The following ZMAT4 variants were observed in gnomAD, a reference collection of about 807,000 sequenced individuals.
The protein encoded by ZMAT4 is zinc finger matrin-type protein 4.
In ZMAT4, 17 loss-of-function variants were observed where a neutral mutation model predicts 28.7. The observed-to-expected ratio is 0.59, with a 90% confidence interval of 0.41 to 0.89. ZMAT4 has a LOEUF of 0.89. Among genes scored for constraint, ZMAT4 ranks in the 40% least tolerant of loss-of-function variants. The pLI, the probability that ZMAT4 is intolerant of heterozygous loss-of-function variation, is 0.00. For missense variants in ZMAT4, 240 were observed against 283.8 expected (o/e 0.85, Z 1.11); for synonymous variants, 117 against 109.2 (o/e 1.07, Z -0.44).
chr8:40,876,900 C>T (rs921907380), intron 1 of ZMAT4, among the ~76,000 whole-genome samples: 1 of 152,094 alleles, frequency 6.6e-6, no homozygotes, highest in African/African-American at 2.4e-5. Context: ...AAAGTTATTC[C>T]CAGAGGGAGA....
At chr8:40,742,210 C>T (rs1251939580) in intron 3 of ZMAT4, among the ~76,000 whole-genome samples, 6 of 151,664 alleles carry the variant, frequency 4.0e-5, no homozygotes, top group South Asian at 4.1e-4. Flanking sequence ...ATCATACCAC[C>T]GCACTCCAGC....
chr8:40,837,047 T>G (rs1364610027), intron 1 of ZMAT4, among the ~76,000 whole-genome samples: 1 of 152,206 alleles, frequency 6.6e-6, no homozygotes. Flanking sequence ...GAGACGATTT[T>G]CTAGAAATGA....
chr8:40,821,277 GTTT>G (rs77539632), intron 2 of ZMAT4, among the ~76,000 whole-genome samples: 1 of 151,998 alleles, frequency 6.6e-6, no homozygotes, highest in African/African-American at 2.4e-5. Context: ...CTGGGAAACT[GTTT>G]TTTTACCCCC....
chr8:40,801,946 G>A (rs192512534), intron 2 of ZMAT4, among the ~76,000 whole-genome samples: 286 of 152,154 alleles, frequency 1.9e-3, no homozygotes, highest in Middle Eastern at 3.4e-3. Context: ...AATGTAATCC[G>A]TTGCATCAAC....
chr8:40,627,407 C>T (rs1278272911), intron 5 of ZMAT4, among the ~76,000 whole-genome samples: 1 of 152,102 alleles, frequency 6.6e-6, no homozygotes, highest in Non-Finnish European at 1.5e-5. Flanking sequence ...CACACATACA[C>T]ACAAACGTGT....
intron 1 of ZMAT4, among the ~76,000 whole-genome samples, chr8:40,860,436 G>A (rs1342128817): frequency 6.6e-6 from 1 of 152,120 alleles, no homozygotes; most frequent in Non-Finnish European, 1.5e-5. Context: ...ATCATCTTAG[G>A]TCCTTCAGAG....
intron 5 of ZMAT4, among the ~76,000 whole-genome samples, chr8:40,594,843 A>C (rs1031336860): frequency 6.6e-6 from 1 of 152,204 alleles, no homozygotes; most frequent in Non-Finnish European, 1.5e-5. Context: ...ATGCTTCCTT[A>C]TATACTAATC....
chr8:40,639,647 C>CACAT, intron 5 of ZMAT4, among the ~76,000 whole-genome samples: 1 of 149,356 alleles, frequency 6.7e-6, no homozygotes, highest in East Asian at 2.0e-4. Flanking sequence ...CACACACACA[C>CACAT]ACTCAAGAAC....
At chr8:40,738,665 G>A (rs978186628) in intron 3 of ZMAT4, among the ~76,000 whole-genome samples, 1 of 152,164 alleles carries the variant, frequency 6.6e-6, no homozygotes, top group Non-Finnish European at 1.5e-5. Context: ...GTCCTTGCGC[G>A]AAGAGAGGTA....
At chr8:40,839,564 T>C (rs1816623756) in intron 1 of ZMAT4, among the ~76,000 whole-genome samples, 2 of 152,230 alleles carry the variant, frequency 1.3e-5, no homozygotes. Flanking sequence ...TGAATCGACC[T>C]AAATGTCCAT....
chr8:40,896,771 G>C (rs970588821), intron 1 of ZMAT4, among the ~76,000 whole-genome samples: 1 of 152,070 alleles, frequency 6.6e-6, no homozygotes, highest in Non-Finnish European at 1.5e-5. Flanking sequence ...AAGCAGTGTG[G>C]ATGGTGACTT....
chr8:40,577,409 G>A (rs1427539931), intron 6 of ZMAT4, among the ~76,000 whole-genome samples: 2 of 152,138 alleles, frequency 1.3e-5, no homozygotes, highest in Admixed American at 6.5e-5. Flanking sequence ...ATTATGTTAA[G>A]TGAAATAGCC....
At chr8:40,594,402 T>C (rs1278303432) in intron 5 of ZMAT4, among the ~76,000 whole-genome samples, 2 of 152,156 alleles carry the variant, frequency 1.3e-5, no homozygotes, top group African/African-American at 4.8e-5. Flanking sequence ...CCAAATATAT[T>C]GAGGCCTGAA....
At chr8:40,559,144 C>CA (rs1803647759) in intron 6 of ZMAT4, among the ~76,000 whole-genome samples, 1 of 152,148 alleles carries the variant, frequency 6.6e-6, no homozygotes, top group Non-Finnish European at 1.5e-5. Flanking sequence ...ACTGAGTCCT[C>CA]CTGTTCTACA....
At chr8:40,599,508 T>G (rs1805224061) in intron 5 of ZMAT4, among the ~76,000 whole-genome samples, 1 of 152,202 alleles carries the variant, frequency 6.6e-6, no homozygotes, top group African/African-American at 2.4e-5. Flanking sequence ...AAGAAGGGTT[T>G]TTTTAGTATT....
At chr8:40,890,619 A>G (rs1818634448) in intron 1 of ZMAT4, among the ~76,000 whole-genome samples, 2 of 151,666 alleles carry the variant, frequency 1.3e-5, no homozygotes, top group African/African-American at 4.9e-5. Flanking sequence ...TCATTTCACA[A>G]CTGCTGGACC....
At chr8:40,683,189 C>A (rs1244800138) in intron 4 of ZMAT4, among the ~76,000 whole-genome samples, 1 of 152,172 alleles carries the variant, frequency 6.6e-6, no homozygotes, top group Non-Finnish European at 1.5e-5. Flanking sequence ...AATCACTTCT[C>A]TTACATAAAC....
intron 2 of ZMAT4, among the ~76,000 whole-genome samples, chr8:40,796,444 G>T (rs1266278776): frequency 1.3e-5 from 2 of 152,172 alleles, no homozygotes; most frequent in Non-Finnish European, 2.9e-5. Flanking sequence ...GAGGAGAAAA[G>T]CACTTGAGGA....
chr8:40,649,624 T>G (rs1220812168), intron 5 of ZMAT4, among the ~76,000 whole-genome samples: 1 of 151,878 alleles, frequency 6.6e-6, no homozygotes, highest in East Asian at 1.9e-4. Context: ...GAATATACAT[T>G]TTTTTCAGCA....
Sources: allele counts gnomAD v4.1 joint callset (sites outside exome capture counted in the v4.1 genomes callset), GRCh38; gene constraint gnomAD v4.1.1; transcripts MANE v1.5; gene names NCBI Gene and HGNC (gene_info 2026-07-23, HGNC 2026-07-21).